Variants in MACROD2 observed in about 807,000 individuals in gnomAD.
The protein encoded by MACROD2 is ADP-ribose glycohydrolase MACROD2.
In MACROD2, 36 loss-of-function variants were observed where a neutral mutation model predicts 70.4. The observed-to-expected ratio is 0.51, with a 90% confidence interval of 0.39 to 0.68. The LOEUF (loss-of-function observed/expected upper bound fraction) is 0.68. MACROD2 is among the 30% of genes least tolerant of loss of function. The pLI is 0.00. For synonymous variants in MACROD2, 172 were observed against 178.8 expected (o/e 0.96, Z 0.30); for missense variants, 496 against 538.4 (o/e 0.92, Z 0.78).
intron 3 of MACROD2, among the ~76,000 whole-genome samples, chr20:14,292,068 G>C (rs556314641): frequency 2.6e-5 from 4 of 151,990 alleles, no homozygotes; most frequent in South Asian, 2.1e-4. Context: ...CAGAATTGTA[G>C]GACCTACAGG....
At chr20:15,965,746 A>T (rs2066131508) in intron 12 of MACROD2, among the ~76,000 whole-genome samples, 1 of 152,158 alleles carries the variant, frequency 6.6e-6, no homozygotes, top group South Asian at 2.1e-4. Flanking sequence ...TAGCTCCAAA[A>T]TTAAAAGAGC....
At chr20:15,903,162 G>A (rs1412784371) in intron 10 of MACROD2, among the ~76,000 whole-genome samples, 3 of 152,098 alleles carry the variant, frequency 2.0e-5, no homozygotes, top group African/African-American at 4.8e-5. Context: ...GATCACTCGA[G>A]GTCAGGAGTT....
intron 5 of MACROD2, among the ~76,000 whole-genome samples, chr20:14,885,829 G>A (rs1329727277): frequency 6.6e-6 from 1 of 152,118 alleles, no homozygotes; most frequent in Non-Finnish European, 1.5e-5. Context: ...TTTCAAGTTA[G>A]TTTTCAATTG....
chr20:15,906,931 G>C (rs2147257018), intron 10 of MACROD2, among the ~76,000 whole-genome samples: 1 of 152,350 alleles, frequency 6.6e-6, no homozygotes, highest in Middle Eastern at 3.4e-3. Flanking sequence ...TGGTGTCTCA[G>C]AGGCTCCTCA....
chr20:15,659,109 C>T (rs2049778340), intron 8 of MACROD2, among the ~76,000 whole-genome samples: 1 of 151,834 alleles, frequency 6.6e-6, no homozygotes. Context: ...CATTGGATAC[C>T]AATACCATAT....
intron 3 of MACROD2, among the ~76,000 whole-genome samples, chr20:14,386,918 A>G (rs2083473990): frequency 6.6e-6 from 1 of 152,208 alleles, no homozygotes; most frequent in Non-Finnish European, 1.5e-5. Flanking sequence ...GGATGACATC[A>G]CCAGGAGTGT....
chr20:14,566,169 A>C (rs908437425), intron 4 of MACROD2, among the ~76,000 whole-genome samples: 1 of 152,046 alleles, frequency 6.6e-6, no homozygotes, highest in African/African-American at 2.4e-5. Flanking sequence ...CTACAAAAGG[A>C]AAATAAAAAA....
intron 5 of MACROD2, among the ~76,000 whole-genome samples, chr20:15,040,800 G>T (rs1015228415): frequency 1.3e-5 from 2 of 152,114 alleles, no homozygotes; most frequent in Admixed American, 1.3e-4. Flanking sequence ...GTGGCAATTT[G>T]TAATATTTGT....
intron 5 of MACROD2, among the ~76,000 whole-genome samples, chr20:14,687,766 A>G (rs540425635): frequency 6.6e-6 from 1 of 152,308 alleles, no homozygotes; most frequent in East Asian, 1.9e-4. Flanking sequence ...GCCACCTCAT[A>G]AAAGTCATAA....
chr20:15,035,689 A>G (rs183315916), intron 5 of MACROD2, among the ~76,000 whole-genome samples: 141 of 152,224 alleles, frequency 9.3e-4, no homozygotes, highest in African/African-American at 3.2e-3. Context: ...GCTGTGTCAG[A>G]CCTCACAGCC....
chr20:15,260,961 G>A (rs375430855), intron 6 of MACROD2, among the ~76,000 whole-genome samples: 6 of 151,834 alleles, frequency 4.0e-5, no homozygotes, highest in African/African-American at 7.2e-5. Flanking sequence ...TAAACTATGG[G>A]CCATGAGGTT....
chr20:14,020,212 C>T (rs191029880), intron 2 of MACROD2, among the ~76,000 whole-genome samples: 4 of 152,284 alleles, frequency 2.6e-5, no homozygotes, highest in African/African-American at 4.8e-5. Flanking sequence ...GTGGCTCATG[C>T]CTGTAATCCC....
chr20:14,498,555 C>A (rs1237734608), intron 4 of MACROD2, among the ~76,000 whole-genome samples: 1 of 152,226 alleles, frequency 6.6e-6, no homozygotes. Context: ...TGTCTACATT[C>A]TTTCAGATGT....
chr20:14,562,604 T>G (rs1979513166), intron 4 of MACROD2, among the ~76,000 whole-genome samples: 1 of 151,890 alleles, frequency 6.6e-6, no homozygotes, highest in African/African-American at 2.4e-5. Context: ...GGGTCATCTT[T>G]CTACTGTTTG....
intron 5 of MACROD2, among the ~76,000 whole-genome samples, chr20:14,760,950 C>G (rs187720190): frequency 6.6e-6 from 1 of 152,072 alleles, no homozygotes; most frequent in Non-Finnish European, 1.5e-5. Context: ...TTTCTCTGTT[C>G]TTGTTCTCTT....
chr20:15,945,480 C>T (rs781745392), intron 12 of MACROD2, among the ~76,000 whole-genome samples: 5 of 152,168 alleles, frequency 3.3e-5, no homozygotes, highest in Non-Finnish European at 2.9e-5. Flanking sequence ...CAATAGACAT[C>T]TTTGCACACA....
At chr20:15,984,269 T>A (rs2066444919) in intron 13 of MACROD2, among the ~76,000 whole-genome samples, 1 of 152,162 alleles carries the variant, frequency 6.6e-6, no homozygotes, top group African/African-American at 2.4e-5. Context: ...TTCTTTACAA[T>A]TAACGTTTTA....
intron 4 of MACROD2, among the ~76,000 whole-genome samples, chr20:14,571,302 T>C (rs1390372054): frequency 6.6e-6 from 1 of 152,054 alleles, no homozygotes; most frequent in East Asian, 1.9e-4. Flanking sequence ...GGAGTGTATC[T>C]TATATCCTTC....
intron 6 of MACROD2, among the ~76,000 whole-genome samples, chr20:15,363,970 C>G (rs544604942): frequency 6.6e-6 from 1 of 152,100 alleles, no homozygotes; most frequent in African/African-American, 2.4e-5. Context: ...TTTACATGAG[C>G]TATCCACTCT....
Sources: allele counts gnomAD v4.1 joint callset (sites outside exome capture counted in the v4.1 genomes callset), GRCh38; gene constraint gnomAD v4.1.1; transcripts MANE v1.5; gene names NCBI Gene and HGNC (gene_info 2026-07-23, HGNC 2026-07-21).